The following STT3A variants were observed in gnomAD, a reference collection of about 807,000 sequenced individuals.
STT3A encodes the protein dolichyl-diphosphooligosaccharide--protein glycosyltransferase subunit STT3A.
STT3A carries 34 observed loss-of-function variants against 89.2 expected under a neutral mutation model. The ratio of observed to expected loss-of-function variants is 0.38; its 90% confidence interval spans 0.29 to 0.51. The LOEUF (loss-of-function observed/expected upper bound fraction) is 0.51, where lower values mean the gene tolerates loss of function less well. Among genes scored for constraint, STT3A ranks in the 20% least tolerant of loss-of-function variants. STT3A has a pLI of 0.89. For missense variants in STT3A, 555 were observed against 889.5 expected (o/e 0.62, Z 4.78); for synonymous variants, 282 against 310.3 (o/e 0.91, Z 0.96).
chr11:125,600,796 AT>A (rs1324478692), intron 3 of STT3A, among the ~76,000 whole-genome samples: 4 of 151,152 alleles, frequency 2.6e-5, no homozygotes, highest in East Asian at 2.0e-4. Flanking sequence ...ATCTTTCTAT[AT>A]TTTTTTTGAG....
At chr11:125,605,526 C>G in intron 6 of STT3A, 103 bp from the exon 7 acceptor site, 1 of 744,942 alleles carries the variant, frequency 1.3e-6, no homozygotes, top group Non-Finnish European at 2.2e-6. Context: ...TAAAATTACA[C>G]TATTACTTGG....
chr11:125,609,598 C>T lies in STT3A; in HGVS notation c.1117+9C>T, dbSNP rs1939942722. 6.2e-7 allele frequency: 1 copy of T among 1,603,582 alleles called. No homozygotes were observed. The highest frequency in any genetic ancestry group is 1.8e-5 in the Admixed American group (1 of 57,118). ...CGTCTTCATGTTTCCAGGTATGTGG[C>T]CTCGTGTTCTGAAATGGCCTTGTTC... On this transcript the variant is annotated intron_variant, in intron 10 of 17. Coordinates refer to ENST00000392708, the MANE Select transcript of STT3A (RefSeq NM_152713.5).
In STT3A at chr11:125,613,100, C is replaced by G; in HGVS notation, c.1477C>G (p.Arg493Gly). ...TTCTCCGTCCATTGTACTATCTGCC[C>G]GTGGTGGGGATGGCAGTAGGATCAT... ...YSSPSIVLSARGGDGSRIIFD... is the reference protein window; with the variant it reads ...YSSPSIVLSAGGGDGSRIIFD... The change falls in exon 13 of 18, where the codon CGT becomes GGT. Residue 493 changes from arginine (R) to glycine (G), a missense_variant. Physicochemically the swap from Arg to Gly is moderately radical, Grantham distance 125. Transcript: ENST00000392708. The surrounding 1 kb of genome is among the most constrained non-coding windows in gnomAD (Gnocchi z 4.2). 6.2e-7 allele frequency: 1 copy of G among 1,613,674 alleles called. No homozygotes were observed. The highest frequency in any genetic ancestry group is 8.5e-7 in the Non-Finnish European group (1 of 1,179,900).
intron 12 of STT3A, 46 bp downstream of exon 12, chr11:125,612,793 G>A (rs566261311): frequency 1.3e-5 from 21 of 1,592,502 alleles, no homozygotes; most frequent in South Asian, 2.3e-5. Context: ...CTGTGTGTGT[G>A]TGTGTATGTG....
chr11:125,600,832 T>A (rs1939650704), intron 3 of STT3A, among the ~76,000 whole-genome samples: 1 of 152,194 alleles, frequency 6.6e-6, no homozygotes, highest in African/African-American at 2.4e-5. Flanking sequence ...TGTTGCCCAG[T>A]CTGGAGCACA....
intron 8 of STT3A, among the ~76,000 whole-genome samples, chr11:125,607,602 A>T (rs1939877038): frequency 6.6e-6 from 1 of 152,236 alleles, no homozygotes. Flanking sequence ...CTGAATCAGA[A>T]ACTCTGGAGG....
In STT3A at chr11:125,618,401, G is replaced by A; in HGVS notation, c.1803G>A (p.Arg601=). ...DDINKFLWMV[R]IGGSTDTGKH... ...TCAACAAGTTTCTTTGGATGGTCCG[G>A]ATTGGAGGGAGCACAGATACAGGCA... Residue 601 remains arginine, a synonymous_variant, in exon 16 of 18, where the codon CGG becomes CGA. Coordinates refer to ENST00000392708, the MANE Select transcript of STT3A (RefSeq NM_152713.5). 1 of 1,613,110 alleles carries A rather than the reference G, an allele frequency of 6.2e-7. No individual in the cohort carries two copies. The highest frequency in any genetic ancestry group is 8.5e-7 in the Non-Finnish European group (1 of 1,179,710).
Position 125,614,294 on chromosome 11 carries a change from G to C in STT3A, c.1672-30G>C. 1 of 1,613,892 alleles carries C rather than the reference G, an allele frequency of 6.2e-7. No homozygotes were observed. The highest frequency in any genetic ancestry group is 2.2e-5 in the East Asian group (1 of 44,864). ...AGGGGATCATATGACTTGGGATTTT[G>C]CTCTGAGAATTGTACATTTGTTTTT... is the stretch of plus-strand genomic sequence containing the variant. On this transcript the variant is annotated intron_variant, in intron 14 of 17. Transcript: ENST00000392708. This position sits in a 1 kb window ranked among gnomAD's most constrained non-coding sequence, Gnocchi z 4.9.
chr11:125,605,536 G>T lies in STT3A; in HGVS notation c.509-93G>T, dbSNP rs555811271. ...TTGCCTAAAATTACACTATTACTTG[G>T]TAGTAGATCCAGGCAGTCTGTTCCA... On this transcript the variant is annotated intron_variant, in intron 6 of 17. Coordinates refer to ENST00000392708, the MANE Select transcript of STT3A (RefSeq NM_152713.5). 455 of 825,016 alleles carry T rather than the reference G, an allele frequency of 5.5e-4. 1 individual carries two copies. Among genetic ancestry groups the T allele is most frequent in the Non-Finnish European group, 8.3e-4 (427 of 516,850 alleles). The allele number at this position is 825,016 out of a possible 1,614,324, so 51.1% of individuals were successfully genotyped here.
At chr11:125,600,853 C>CA (rs1213020113) in intron 3 of STT3A, among the ~76,000 whole-genome samples, 1 of 152,124 alleles carries the variant, frequency 6.6e-6, no homozygotes, top group African/African-American at 2.4e-5. Flanking sequence ...GTGTTGTGAT[C>CA]ATGGCTCACT....
intron 11 of STT3A, among the ~76,000 whole-genome samples, chr11:125,611,863 A>AGTTT (rs1940028445): frequency 1.8e-5 from 1 of 56,932 alleles, no homozygotes; most frequent in Non-Finnish European, 3.2e-5. Context: ...AGGGATTTGA[A>AGTTT]TTTTTTTTTT....
At chr11:125,619,040 A>AT (rs1940265203) in intron 16 of STT3A, among the ~76,000 whole-genome samples, 1 of 148,302 alleles carries the variant, frequency 6.7e-6, no homozygotes, top group South Asian at 2.1e-4. Context: ...AGCTATTGTT[A>AT]TTTTTGTTTT....
At chr11:125,595,748 A>G (rs1216007937) in intron 1 of STT3A, 133 bp from the exon 2 acceptor site, 6 of 585,508 alleles carry the variant, frequency 1.0e-5, no homozygotes, top group Non-Finnish European at 1.8e-5. Context: ...CTTGGATACT[A>G]GTATTAGCCT....
intron 4 of STT3A, 51 bp downstream of exon 4, chr11:125,602,475 G>C: frequency 5.4e-6 from 8 of 1,482,930 alleles, no homozygotes; most frequent in Non-Finnish European, 7.2e-6. Flanking sequence ...AGAAATATTT[G>C]TATGCTAGAG....
chr11:125,603,198 A>G (rs1565344835), intron 5 of STT3A, among the ~76,000 whole-genome samples: 1 of 152,228 alleles, frequency 6.6e-6, no homozygotes, highest in East Asian at 1.9e-4. Context: ...AAAGAAAAAA[A>G]CATTTAAAAT....
chr11:125,619,143 C>T (rs531763814), intron 16 of STT3A, among the ~76,000 whole-genome samples: 70 of 152,010 alleles, frequency 4.6e-4, no homozygotes, highest in Non-Finnish European at 8.2e-4. Flanking sequence ...TCCACCTCCC[C>T]GGTTCAAGCG....
At position 125,622,786 on chromosome 11, in the gene STT3A, T is replaced by A. The variant is rs1940385331; in HGVS notation, c.*1976T>A. The A allele has an allele frequency of 1.3e-5, 2 of 150,610 alleles. No homozygotes were observed. The highest frequency in any genetic ancestry group is 3.0e-5 in the Non-Finnish European group (2 of 67,734). The allele number at this position is 150,610 out of a possible 1,614,324, so 9.3% of individuals were successfully genotyped here. ...TTGCTAGTCTGCTCCTCTTTAAGAGTGGGACCCTAGGCAGGGCGCAGTGGA... is the reference window on the plus strand; with the variant it reads ...TTGCTAGTCTGCTCCTCTTTAAGAGAGGGACCCTAGGCAGGGCGCAGTGGA... On this transcript the variant is annotated 3_prime_UTR_variant, in exon 18 of 18. Transcript: ENST00000392708.
chr11:125,620,999 A>G lies in STT3A; in HGVS notation c.*189A>G. The G allele has an allele frequency of 2.1e-6, 1 of 470,594 alleles. No homozygotes were observed. The allele number at this position is 470,594 out of a possible 1,614,324, so 29.2% of individuals were successfully genotyped here. A position where few individuals can be genotyped will look rare whatever the true frequency, so the allele number is the denominator to read the frequency against. On this transcript the variant is annotated 3_prime_UTR_variant, in exon 18 of 18. Transcript: ENST00000392708. ...TGAAATGATTTTTATAATTCTAAAC[A>G]GGTTACCAAATGAAATGTCATGGCT...
intron 2 of STT3A, among the ~76,000 whole-genome samples, chr11:125,596,237 G>A (rs1939491919): frequency 6.6e-6 from 1 of 152,160 alleles, no homozygotes; most frequent in South Asian, 2.1e-4. Context: ...GGCTGGGGTG[G>A]GTGGATCACT....
Sources: gnomAD v4.1 joint callset for allele counts (sites outside exome capture counted in the v4.1 genomes callset) on GRCh38, gnomAD v4.1.1 for gene constraint, Gnocchi (gnomAD v3.1) non-coding constraint, MANE v1.5 for transcripts, NCBI Gene and HGNC (gene_info 2026-07-23, HGNC 2026-07-21) for gene names.